The following MITF variants were observed in gnomAD, a reference collection of about 807,000 sequenced individuals.
MITF encodes melanocyte inducing transcription factor.
A neutral mutation model predicts 60.5 loss-of-function variants in MITF; 17 were observed. That is an observed-to-expected ratio of 0.28 (90% CI 0.19 to 0.42). The LOEUF (loss-of-function observed/expected upper bound fraction) is 0.42, where lower values mean the gene tolerates loss of function less well. Among genes scored for constraint, MITF ranks in the 10% least tolerant of loss-of-function variants. The pLI, the probability that MITF is intolerant of heterozygous loss-of-function variation, is 1.00. For synonymous variants in MITF, 260 were observed against 248.5 expected, an observed-to-expected ratio of 1.05 and a Z score of -0.43; for missense variants, 622 against 683.5, an observed-to-expected ratio of 0.91 and a Z score of 1.00.
At chr3:69,852,331 C>T (rs1041459850) in intron 1 of MITF, among the ~76,000 whole-genome samples, 1 of 152,192 alleles carries the variant, frequency 6.6e-6, no homozygotes, top group African/African-American at 2.4e-5. Context: ...TCCTAGTCAA[C>T]CCCTCTTCTA....
At chr3:69,844,375 A>T (rs1340374778) in intron 1 of MITF, among the ~76,000 whole-genome samples, 3 of 152,218 alleles carry the variant, frequency 2.0e-5, no homozygotes, top group Non-Finnish European at 2.9e-5. Flanking sequence ...TGGGGAAAGG[A>T]TTCCCTATTT....
At position 69,956,486 on chromosome 3, in the gene MITF, C is replaced by T. The variant is rs1291439207; in HGVS notation, c.987C>T (p.Asp329=). 1 of 1,613,700 alleles carries T rather than the reference C, an allele frequency of 6.2e-7. No homozygotes were observed. Among genetic ancestry groups the T allele is most frequent in the Non-Finnish European group, 8.5e-7 (1 of 1,179,748 alleles). The change falls in exon 8 of 10, where the codon GAC becomes GAT. Residue 329 remains aspartate, a synonymous_variant. Coordinates refer to ENST00000352241, the MANE Select transcript of MITF (RefSeq NM_001354604.2). ...GAAGAAGAAGATTTAACATAAATGA[C>T]CGCATTAAAGAACTAGGTACTTTGA... ...IERRRRFNIN[D]RIKELGTLIP...
chr3:69,775,946 G>A (rs2062467016), intron 1 of MITF, among the ~76,000 whole-genome samples: 3 of 152,310 alleles, frequency 2.0e-5, no homozygotes, highest in Admixed American at 6.5e-5. Flanking sequence ...CAGAGAAAGC[G>A]TGCATTGTTT....
intron 6 of MITF, 27 bp downstream of exon 6, chr3:69,949,195 A>C: frequency 6.7e-7 from 1 of 1,497,430 alleles, no homozygotes; most frequent in Non-Finnish European, 9.3e-7. Flanking sequence ...TGTGCCTCTT[A>C]CTGCAGATTT....
At chr3:69,743,203 A>G (rs1259030892) in intron 1 of MITF, among the ~76,000 whole-genome samples, 6 of 152,212 alleles carry the variant, frequency 3.9e-5, no homozygotes, top group South Asian at 2.1e-4. Flanking sequence ...AATTATGGCA[A>G]CCAAAAACAT....
intron 1 of MITF, among the ~76,000 whole-genome samples, chr3:69,855,430 A>G (rs1159949324): frequency 6.6e-6 from 1 of 152,164 alleles, no homozygotes; most frequent in Non-Finnish European, 1.5e-5. Context: ...TGATACTTTG[A>G]TATTAATTTA....
intron 1 of MITF, among the ~76,000 whole-genome samples, chr3:69,793,552 A>ATAGCATGCACCCTCTCCCAATGCTCATAG (rs1559633677): frequency 6.6e-6 from 1 of 151,934 alleles, no homozygotes; most frequent in Non-Finnish European, 1.5e-5. Flanking sequence ...CCCAATGCTC[A>ATAGCATGCACCCTCTCCCAATGCTCATAG]AGTTATGATG....
At chr3:69,949,607 A>G (rs887777144) in intron 6 of MITF, among the ~76,000 whole-genome samples, 1 of 152,226 alleles carries the variant, frequency 6.6e-6, no homozygotes, top group Non-Finnish European at 1.5e-5. Context: ...GGGATAGCAT[A>G]AGAATATATT....
At chr3:69,963,218 G>A (rs941236915) in intron 9 of MITF, among the ~76,000 whole-genome samples, 1 of 152,122 alleles carries the variant, frequency 6.6e-6, no homozygotes. Flanking sequence ...TGTATGTGAG[G>A]AAGGAAAGGA....
intron 2 of MITF, among the ~76,000 whole-genome samples, chr3:69,881,085 T>C (rs1361235138): frequency 1.3e-5 from 2 of 152,118 alleles, no homozygotes; most frequent in African/African-American, 4.8e-5. Flanking sequence ...TTGAAAATGA[T>C]TAAAGTTAAA....
chr3:69,962,195 G>A (rs1424127009), intron 9 of MITF, among the ~76,000 whole-genome samples: 1 of 152,154 alleles, frequency 6.6e-6, no homozygotes, highest in Admixed American at 6.5e-5. Flanking sequence ...TTAGCATGTT[G>A]GTGTAGATTT....
Position 69,965,143 on chromosome 3 carries a change from C to A in MITF, c.1476C>A (p.Pro492=). The A allele has an allele frequency of 6.2e-7, 1 of 1,614,074 alleles. No individual in the cohort carries two copies. The highest frequency in any genetic ancestry group is 8.5e-7 in the Non-Finnish European group (1 of 1,179,990). Residue 492 remains proline, a synonymous_variant, in exon 10 of 10, where the codon CCC becomes CCA. Coordinates refer to ENST00000352241, the MANE Select transcript of MITF (RefSeq NM_001354604.2). The part of the protein sequence containing the change: ...EDILMDDTLS[P]VGVTDPLLSS... ...TCCTGATGGACGACACCCTTTCTCC[C>A]GTCGGTGTCACTGATCCACTCCTTT... is the stretch of plus-strand genomic sequence containing the variant.
rs80024652 is a variant in MITF at position 69,882,704 on chromosome 3, C to G, written c.354+3321C>G. Among the ~76,000 whole-genome samples the G allele has an allele frequency of 8.9e-3, 1,353 of 152,252 alleles. 14 individuals are homozygous for G. The highest frequency in any genetic ancestry group is 0.03 in the African/African-American group (1,267 of 41,560). The stretch of plus-strand genomic sequence containing the variant: ...ACAAAAACAGAGTAACGGGACAGAA[C>G]TGTAGGTGAGTTCAGCCTTATAGCT... On this transcript the variant is annotated intron_variant, in intron 2 of 9. Transcript: ENST00000352241.
intron 4 of MITF, among the ~76,000 whole-genome samples, chr3:69,939,694 T>C (rs552195533): frequency 1.8e-4 from 28 of 152,290 alleles, no homozygotes; most frequent in African/African-American, 6.5e-4. Context: ...TATTTATATA[T>C]CTATGCATGT....
intron 1 of MITF, among the ~76,000 whole-genome samples, chr3:69,808,744 C>T (rs1240468012): frequency 6.6e-6 from 1 of 152,014 alleles, no homozygotes; most frequent in Non-Finnish European, 1.5e-5. Flanking sequence ...CCTTGACCTC[C>T]CTGGGAAGGG....
At chr3:69,881,681 A>T (rs996458009) in intron 2 of MITF, among the ~76,000 whole-genome samples, 1 of 151,940 alleles carries the variant, frequency 6.6e-6, no homozygotes, top group Non-Finnish European at 1.5e-5. Context: ...AATCATAAGC[A>T]TAATTTTGTG....
intron 7 of MITF, among the ~76,000 whole-genome samples, chr3:69,953,222 C>A (rs974927645): frequency 1.3e-5 from 2 of 152,120 alleles, no homozygotes; most frequent in African/African-American, 2.4e-5. Context: ...TAAGATATTT[C>A]TTCTTTTAAA....
chr3:69,846,517 G>T (rs887674503), intron 1 of MITF, among the ~76,000 whole-genome samples: 1 of 152,074 alleles, frequency 6.6e-6, no homozygotes, highest in Non-Finnish European at 1.5e-5. Context: ...GGTTTTAAAA[G>T]AATATAAAGC....
At chr3:69,774,636 A>C (rs1318323325) in intron 1 of MITF, among the ~76,000 whole-genome samples, 3 of 152,124 alleles carry the variant, frequency 2.0e-5, no homozygotes, top group Non-Finnish European at 4.4e-5. Flanking sequence ...TCCAGGTCAA[A>C]GATTCTGGAA....
Sources: allele counts gnomAD v4.1 joint callset (sites outside exome capture counted in the v4.1 genomes callset), GRCh38; gene constraint gnomAD v4.1.1; transcripts MANE v1.5; gene names NCBI Gene and HGNC (gene_info 2026-07-23, HGNC 2026-07-21).